The following BCL6 variants were observed in gnomAD, a reference collection of about 807,000 sequenced individuals.
BCL6 encodes the protein BCL6 transcription repressor.
In BCL6, 7 loss-of-function variants were observed where a neutral mutation model predicts 59.5. That is an observed-to-expected ratio of 0.12 (90% CI 0.07 to 0.22). The LOEUF (loss-of-function observed/expected upper bound fraction) is 0.22. BCL6 is among the 10% of genes least tolerant of loss of function. BCL6 has a pLI of 1.00. For missense variants in BCL6, 685 were observed against 939.4 expected, an observed-to-expected ratio of 0.73 and a Z score of 3.54; for synonymous variants, 339 against 349.7, an observed-to-expected ratio of 0.97 and a Z score of 0.34.
At chr3:187,724,741 A>G in intron 9 of BCL6, 200 bp downstream of exon 9, 1 of 703,278 alleles carries the variant, frequency 1.4e-6, no homozygotes, top group African/African-American at 1.8e-5. Context: ...TGCTTGGGCC[A>G]AGGTCAAGCA....
intron 1 of BCL6, among the ~76,000 whole-genome samples, chr3:187,742,082 C>T (rs1159692987): frequency 6.6e-6 from 1 of 152,068 alleles, no homozygotes; most frequent in Non-Finnish European, 1.5e-5. Context: ...CCTTTTTATC[C>T]GTTAGTTTTA....
chr3:187,725,653 A>G lies in BCL6; in HGVS notation c.1709-24T>C, dbSNP rs2108557870. The G allele has an allele frequency of 1.2e-6, 2 of 1,613,912 alleles. No individual in the cohort carries two copies. Among genetic ancestry groups the G allele is most frequent in the South Asian group, 2.2e-5 (2 of 91,074 alleles). On this transcript the variant is annotated intron_variant, in intron 7 of 9. Transcript: ENST00000406870. This position sits in a 1 kb window ranked among gnomAD's most constrained non-coding sequence, Gnocchi z 4.7. ...ACCTATTACCAAGAAAAAGGGAAAA[A>G]GAAAAGCCATATTCAATAAGGAAGG...
In BCL6 at chr3:187,726,801, G is replaced by A. The variant is rs761487162; in HGVS notation, c.1638C>T (p.Tyr546=). 2 of 1,614,238 alleles carry A rather than the reference G, an allele frequency of 1.2e-6. No homozygotes were observed. Among genetic ancestry groups the A allele is most frequent in the Admixed American group, 1.7e-5 (1 of 60,034 alleles). ...AGGAGGCCTGGCAGCGGTCACACTT[G>A]TAGGGTTTGTCACTGTGGGTCTGCA... The part of the protein sequence containing the change: ...HTLQTHSDKP[Y]KCDRCQASFR... Residue 546 remains tyrosine, a synonymous_variant, in exon 7 of 10, where the codon TAC becomes TAT. Coordinates refer to ENST00000406870, the MANE Select transcript of BCL6 (RefSeq NM_001706.5).
At chr3:187,728,000 G>A (rs1256095403) in intron 6 of BCL6, among the ~76,000 whole-genome samples, 2 of 152,182 alleles carry the variant, frequency 1.3e-5, no homozygotes, top group African/African-American at 4.8e-5. Context: ...TGTACAGCCT[G>A]GCAGAGAATA....
chr3:187,726,829 G>A lies in BCL6; in HGVS notation c.1610C>T (p.Thr537Met), dbSNP rs545063119. ...FSEEASLKRH[T>M]LQTHSDKPYK... Reference sequence around the variant, plus strand: ...GGGTTTGTCACTGTGGGTCTGCAGCGTGTGCCTCTTGAGTGAGGCCTCCTC... The same window carrying A: ...GGGTTTGTCACTGTGGGTCTGCAGCATGTGCCTCTTGAGTGAGGCCTCCTC... Residue 537 changes from threonine to methionine, a missense_variant, in exon 7 of 10, where the codon ACG (threonine) becomes ATG (methionine). By Grantham distance (81) the Thr-to-Met change is moderately conservative (BLOSUM62 -1). Around this residue, in one of 7 missense-constraint regions of BCL6, gnomAD observed 207 missense variants for 213.7 expected, o/e 0.97. Transcript: ENST00000406870. 6.6e-5 allele frequency: 107 copies of A among 1,614,226 alleles called. 1 individual carries two copies. The Admixed American group carries it at 9.0e-4, about 14-fold the overall frequency.
At chr3:187,740,531 C>T (rs1203967543) in intron 1 of BCL6, among the ~76,000 whole-genome samples, 1 of 152,180 alleles carries the variant, frequency 6.6e-6, no homozygotes, top group Non-Finnish European at 1.5e-5. Flanking sequence ...ACTCATGGTT[C>T]TGGCAGCCGC....
intron 5 of BCL6, 111 bp from the exon 6 acceptor site, chr3:187,728,655 G>T: frequency 9.4e-7 from 1 of 1,067,076 alleles, no homozygotes; most frequent in Non-Finnish European, 1.3e-6. Context: ...GCCCACTCAA[G>T]CTCTGAGACC....
chr3:187,733,480 C>T (rs777836058), intron 3 of BCL6, 53 bp downstream of exon 3: 42 of 1,592,122 alleles, frequency 2.6e-5, no homozygotes, highest in Non-Finnish European at 3.6e-5. Flanking sequence ...GCTTGGCTGC[C>T]AGCACCATCA....
rs776032473 is a variant in BCL6 at position 187,726,777 on chromosome 3, G to T, written c.1662C>A (p.Ser554=). 3 of 1,614,168 alleles carry T rather than the reference G, an allele frequency of 1.9e-6. No individual in the cohort carries two copies. Among genetic ancestry groups the T allele is most frequent in the Non-Finnish European group, 2.5e-6 (3 of 1,180,036 alleles). The change falls in exon 7 of 10, where the codon TCC becomes TCA. Residue 554 remains serine, a synonymous_variant. Transcript: ENST00000406870. ...TGGCGAGGTTGCCCTTGTAGCGGAA[G>T]GAGGCCTGGCAGCGGTCACACTTGT... ...KPYKCDRCQA[S]FRYKGNLASH...
chr3:187,745,208 GC>G (rs1711883926), intron 1 of BCL6, among the ~76,000 whole-genome samples: 1 of 151,944 alleles, frequency 6.6e-6, no homozygotes, highest in Admixed American at 6.6e-5. Flanking sequence ...ACACCTGACA[GC>G]TAGAATAAAT....
Position 187,729,878 on chromosome 3 carries a change from T to A in BCL6, c.527A>T (p.Glu176Val). The A allele has an allele frequency of 6.2e-7, 1 of 1,614,114 alleles. No homozygotes were observed. The highest frequency in any genetic ancestry group is 1.7e-5 in the Admixed American group (1 of 60,010). ...NLPLRSAPGC[E>V]SRAFAPSLYS... ...CAGGCTGGGGGCAAAGGCTCTGCTCTCACACCCAGGGGCGCTCCTCAGTGG... is the reference window on the plus strand; with the variant it reads ...CAGGCTGGGGGCAAAGGCTCTGCTCACACACCCAGGGGCGCTCCTCAGTGG... Residue 176 changes from glutamate to valine, a missense_variant, in exon 5 of 10, where the codon GAG becomes GTG. Glu to Val is a moderately radical substitution (Grantham distance 121). Transcript: ENST00000406870. This position sits in a 1 kb window ranked among gnomAD's most constrained non-coding sequence, Gnocchi z 5.6.
At chr3:187,740,972 C>T (rs775862653) in intron 1 of BCL6, among the ~76,000 whole-genome samples, 10 of 152,302 alleles carry the variant, frequency 6.6e-5, no homozygotes, top group Admixed American at 6.5e-5. Flanking sequence ...CAGGGTACCG[C>T]CGCCCGGGAG....
chr3:187,729,788 A>G lies in BCL6; in HGVS notation c.617T>C (p.Leu206Pro). 1 of 1,614,142 alleles carries G rather than the reference A, an allele frequency of 6.2e-7. No individual in the cohort carries two copies. Among genetic ancestry groups the G allele is most frequent in the Non-Finnish European group, 8.5e-7 (1 of 1,180,016 alleles). The change falls in exon 5 of 10, where the codon CTC becomes CCC. Residue 206 changes from leucine to proline, a missense_variant. Transcript: ENST00000406870. The surrounding 1 kb of genome is among the most constrained non-coding windows in gnomAD (Gnocchi z 5.6). ...CCGAAACTCCTCATCGGAGAAGAGG[A>G]GGCTGCTGACAGGGAGGTGGCTGTA... The part of the protein sequence containing the change: ...SMYSHLPVSS[L>P]LFSDEEFRDV...
At chr3:187,730,353 A>G (rs1718982630) in intron 4 of BCL6, among the ~76,000 whole-genome samples, 1 of 152,266 alleles carries the variant, frequency 6.6e-6, no homozygotes, top group Admixed American at 6.5e-5. Context: ...TATAGCTCAC[A>G]TAAAACTTTC....
At chr3:187,744,242 T>A (rs961268534) in intron 1 of BCL6, among the ~76,000 whole-genome samples, 1 of 152,170 alleles carries the variant, frequency 6.6e-6, no homozygotes, top group African/African-American at 2.4e-5. Context: ...ACCTTTCTCG[T>A]TCTCCCAGGC....
At chr3:187,739,280 G>A (rs1049890602) in intron 1 of BCL6, among the ~76,000 whole-genome samples, 2 of 152,246 alleles carry the variant, frequency 1.3e-5, no homozygotes, top group African/African-American at 2.4e-5. Context: ...AGTGAACCCC[G>A]CATCAGGGGC....
intron 4 of BCL6, among the ~76,000 whole-genome samples, chr3:187,730,703 T>G (rs1718997280): frequency 1.3e-5 from 2 of 152,166 alleles, no homozygotes; most frequent in African/African-American, 2.4e-5. Context: ...CCACTGAAAG[T>G]ACTTGTAAAT....
At chr3:187,730,327 T>C (rs1718981767) in intron 4 of BCL6, among the ~76,000 whole-genome samples, 1 of 152,252 alleles carries the variant, frequency 6.6e-6, no homozygotes. Flanking sequence ...ATAGCTCTTC[T>C]GATGTTATGA....
At chr3:187,737,495 A>G (rs1719346503) in intron 1 of BCL6, 1 of 152,576 alleles carries the variant, frequency 6.6e-6, no homozygotes, top group Admixed American at 6.6e-5. Flanking sequence ...CTGGCACCAG[A>G]AAGCCCCATT....
Sources: gnomAD v4.1 joint callset for allele counts (sites outside exome capture counted in the v4.1 genomes callset) on GRCh38, gnomAD v4.1.1 for gene constraint, gnomAD v4.1.1 regional missense constraint, Gnocchi (gnomAD v3.1) non-coding constraint, MANE v1.5 for transcripts, NCBI Gene and HGNC (gene_info 2026-07-23, HGNC 2026-07-21) for gene names.